The following SHLD2 variants were observed in gnomAD, a reference collection of about 807,000 sequenced individuals.
The protein encoded by SHLD2 is shieldin complex subunit 2, also known as RINN1-REV7-interacting novel NHEJ regulator 2.
A neutral mutation model predicts 73.2 loss-of-function variants in SHLD2; 30 were observed. The observed-to-expected ratio is 0.41, with a 90% CI of 0.31 to 0.56. The LOEUF is 0.56. Among genes scored for constraint, SHLD2 ranks in the 20% least tolerant of loss-of-function variants. The pLI is 0.28. For missense variants in SHLD2, 745 were observed against 1,055.9 expected (o/e 0.71, Z 4.08); for synonymous variants, 285 against 370.1 (o/e 0.77, Z 2.64).
At chr10:87,109,157 G>C (rs964468593) in intron 2 of SHLD2, among the ~76,000 whole-genome samples, 3 of 152,264 alleles carry the variant, frequency 2.0e-5, no homozygotes, top group African/African-American at 4.8e-5. Context: ...CCTTTAGCAA[G>C]GCATGATATT....
At chr10:87,107,107 A>AAAAAAAAAAAAAAG (rs56386341) in intron 2 of SHLD2, among the ~76,000 whole-genome samples, 1 of 146,424 alleles carries the variant, frequency 6.8e-6, no homozygotes, top group East Asian at 2.0e-4. Context: ...AAAAAAAAAA[A>AAAAAAAAAAAAAAG]AGAGATTTAA....
chr10:87,155,445 A>G lies in SHLD2; in HGVS notation c.1525+2566A>G, dbSNP rs574987580. On this transcript the variant is annotated intron_variant, in intron 3 of 9. Coordinates refer to ENST00000298786, the MANE Select transcript of SHLD2 (RefSeq NM_001330112.2). ...TTCTAGTTGTAGAGCTGCCCACAGC[A>G]TGAGAACAGGCTGAAATACTGTTTT... Among the ~76,000 whole-genome samples, 9 of 152,206 alleles carry G rather than the reference A, an allele frequency of 5.9e-5. No homozygotes were observed. The South Asian group carries it at 1.7e-3, about 28-fold the overall frequency.
intron 4 of SHLD2, among the ~76,000 whole-genome samples, chr10:87,165,608 A>G (rs1262618122): frequency 2.0e-5 from 3 of 152,196 alleles, no homozygotes; most frequent in African/African-American, 7.2e-5. Context: ...ATTCTTCATA[A>G]GTGTCAAGGT....
Position 87,170,892 on chromosome 10 carries a change from G to T in SHLD2, c.1881G>T (p.Val627=). The T allele has an allele frequency of 6.2e-7, 1 of 1,609,398 alleles. No individual in the cohort carries two copies. The highest frequency in any genetic ancestry group is 8.5e-7 in the Non-Finnish European group (1 of 1,178,436). The change falls in exon 6 of 10, where the codon GTG becomes GTT. Residue 627 remains valine (V), a synonymous_variant. Coordinates refer to ENST00000298786, the MANE Select transcript of SHLD2 (RefSeq NM_001330112.2). The part of the protein sequence containing the change: ...GQKQKKVMLT[V]EQAQDQHYAL... ...AGCAGAAAAAAGTTATGTTAACAGTGGAACAGGCCCAAGATCAACATTATG... is the reference window on the plus strand; with the variant it reads ...AGCAGAAAAAAGTTATGTTAACAGTTGAACAGGCCCAAGATCAACATTATG...
intron 2 of SHLD2, among the ~76,000 whole-genome samples, chr10:87,143,465 C>T (rs533346963): frequency 2.0e-5 from 3 of 152,272 alleles, no homozygotes; most frequent in East Asian, 3.9e-4. Flanking sequence ...CCTTAGTTGT[C>T]AAACATGGGT....
At chr10:87,104,601 A>G (rs984775852) in intron 2 of SHLD2, among the ~76,000 whole-genome samples, 3 of 152,122 alleles carry the variant, frequency 2.0e-5, no homozygotes, top group Non-Finnish European at 4.4e-5. Context: ...TAAAAAGTAA[A>G]AAGAAAATGA....
intron 6 of SHLD2, among the ~76,000 whole-genome samples, chr10:87,175,554 C>T (rs981878896): frequency 4.0e-5 from 6 of 151,208 alleles, no homozygotes; most frequent in Non-Finnish European, 7.4e-5. Context: ...AGTGGTGGCA[C>T]GCACCTGTAA....
chr10:87,145,014 C>T (rs1845499551), intron 2 of SHLD2, among the ~76,000 whole-genome samples: 2 of 136,284 alleles, frequency 1.5e-5, no homozygotes, highest in Non-Finnish European at 3.0e-5. Context: ...GATCTTGGTT[C>T]ACTGCAAGCT....
chr10:87,168,654 C>T (rs1472180378), intron 4 of SHLD2, among the ~76,000 whole-genome samples: 1 of 151,780 alleles, frequency 6.6e-6, no homozygotes. Flanking sequence ...CAGTTGGAGG[C>T]AATTATCCTA....
intron 2 of SHLD2, among the ~76,000 whole-genome samples, chr10:87,127,859 TTTCTG>T (rs1844147158): frequency 1.3e-5 from 2 of 151,920 alleles, no homozygotes; most frequent in East Asian, 3.9e-4. Flanking sequence ...AACCCAAGGA[TTTCTG>T]CCGTCAGTGT....
Position 87,191,019 on chromosome 10 carries a change from C to T in SHLD2, c.*336C>T. The T allele has an allele frequency of 3.3e-6, 1 of 306,092 alleles. No homozygotes were observed. Among genetic ancestry groups the T allele is most frequent in the Non-Finnish European group, 6.1e-6 (1 of 163,324 alleles). The allele number at this position is 306,092 out of a possible 1,614,324, so 19.0% of individuals were successfully genotyped here. On this transcript the variant is annotated 3_prime_UTR_variant, in exon 10 of 10. Transcript: ENST00000298786. Reference sequence around the variant, plus strand: ...CAGGCATTGTACTAAGTATGGGGAACCACAGAGAAGACATTCCCTCAGAAA... The same window carrying T: ...CAGGCATTGTACTAAGTATGGGGAATCACAGAGAAGACATTCCCTCAGAAA...
At chr10:87,182,288 G>A (rs1055869394) in intron 8 of SHLD2, among the ~76,000 whole-genome samples, 1 of 152,194 alleles carries the variant, frequency 6.6e-6, no homozygotes, top group African/African-American at 2.4e-5. Context: ...TATCACATAT[G>A]TACTGTGGAT....
chr10:87,142,012 C>T (rs1194926597), intron 2 of SHLD2, among the ~76,000 whole-genome samples: 2 of 139,712 alleles, frequency 1.4e-5, no homozygotes, highest in Admixed American at 7.8e-5. Flanking sequence ...GCCTGGGCAA[C>T]AGAGCAAGAC....
In SHLD2 at chr10:87,190,740, T is replaced by C; in HGVS notation, c.*57T>C. Reference sequence around the variant, plus strand: ...GAAGAAGTACTGAAATGATTTGTCTTTTGAAATAAATGAATGACAGGGCTT... The same window carrying C: ...GAAGAAGTACTGAAATGATTTGTCTCTTGAAATAAATGAATGACAGGGCTT... On this transcript the variant is annotated 3_prime_UTR_variant, in exon 10 of 10. Transcript: ENST00000298786. 7.0e-7 allele frequency: 1 copy of C among 1,429,994 alleles called. No individual in the cohort carries two copies. Among genetic ancestry groups the C allele is most frequent in the Non-Finnish European group, 9.8e-7 (1 of 1,018,702 alleles). The allele number at this position is 1,429,994 out of a possible 1,614,324, so 88.6% of individuals were successfully genotyped here.
At chr10:87,179,450 G>A (rs565641910) in intron 7 of SHLD2, among the ~76,000 whole-genome samples, 10 of 150,898 alleles carry the variant, frequency 6.6e-5, no homozygotes, top group African/African-American at 1.5e-4. Context: ...CGCCCAGGCC[G>A]GAGTGCAGTG....
At chr10:87,184,669 C>T (rs1848506823) in intron 8 of SHLD2, among the ~76,000 whole-genome samples, 1 of 152,138 alleles carries the variant, frequency 6.6e-6, no homozygotes. Flanking sequence ...CTGCCACTCC[C>T]CTGTCGTCCA....
intron 2 of SHLD2, among the ~76,000 whole-genome samples, chr10:87,148,367 G>A (rs1391406810): frequency 6.6e-6 from 1 of 152,114 alleles, no homozygotes; most frequent in Non-Finnish European, 1.5e-5. Flanking sequence ...TCAAAAAAGC[G>A]GAATGTTTCA....
At chr10:87,140,419 CAAA>C (rs59414161) in intron 2 of SHLD2, among the ~76,000 whole-genome samples, 5 of 102,334 alleles carry the variant, frequency 4.9e-5, no homozygotes, top group Admixed American at 1.0e-4. Context: ...GAACCTATCT[CAAA>C]AAAAAAAAAA....
chr10:87,180,288 A>G lies in SHLD2; in HGVS notation c.2384A>G (p.Lys795Arg). ...QCFSCLPFTM[K>R]KIYYRPALMT... The stretch of plus-strand genomic sequence containing the variant: ...TTTAGCTGCTTGCCATTTACTATGA[A>G]GAAAATATATTATAGGTAAGGCAAC... The change falls in exon 8 of 10, where the codon AAG (lysine) becomes AGG (arginine). Residue 795 changes from lysine to arginine, a missense_variant. Physicochemically the swap from Lys to Arg is conservative, Grantham distance 26. Transcript: ENST00000298786. 6.2e-7 allele frequency: 1 copy of G among 1,607,244 alleles called. No homozygotes were observed. The highest frequency in any genetic ancestry group is 8.5e-7 in the Non-Finnish European group (1 of 1,175,726).
Sources: allele counts gnomAD v4.1 joint callset (sites outside exome capture counted in the v4.1 genomes callset), GRCh38; gene constraint gnomAD v4.1.1; transcripts MANE v1.5; gene names NCBI Gene and HGNC (gene_info 2026-07-23, HGNC 2026-07-21).